Variants in DOCK7 observed in about 807,000 individuals in gnomAD.
DOCK7 encodes the protein dedicator of cytokinesis 7.
Under a neutral mutation model 271.0 loss-of-function variants are expected in DOCK7, and 138 were observed. That is an observed-to-expected ratio of 0.51 (90% CI 0.44 to 0.59). The LOEUF is 0.59. Among genes scored for constraint, DOCK7 ranks in the 20% least tolerant of loss-of-function variants. DOCK7 has a pLI of 0.00. For missense variants in DOCK7, 2,066 were observed against 2,592.4 expected (o/e 0.80, Z 4.41); for synonymous variants, 823 against 876.1 (o/e 0.94, Z 1.07).
intron 15 of DOCK7, chr1:62,584,276 A>C (rs1308813051): frequency 1.0e-6 from 1 of 972,898 alleles, no homozygotes; most frequent in African/African-American, 1.8e-5. Flanking sequence ...GATATATATT[A>C]TTTCATCAAT....
At chr1:62,459,545 CA>C (rs1213879281) in intron 48 of DOCK7, among the ~76,000 whole-genome samples, 3 of 151,392 alleles carry the variant, frequency 2.0e-5, no homozygotes, top group Non-Finnish European at 1.5e-5. Flanking sequence ...CAATTTCATA[CA>C]AAAAAACCCT....
chr1:62,633,803 T>C lies in DOCK7; in HGVS notation c.1036-225A>G, dbSNP rs193294948. The C allele has an allele frequency of 6.1e-3, 2,758 of 452,186 alleles. 16 individuals carry two copies. The highest frequency in any genetic ancestry group is 8.1e-3 in the Non-Finnish European group (2,042 of 253,508). The allele number at this position is 452,186 out of a possible 1,614,324, so 28.0% of individuals were successfully genotyped here. A position where few individuals can be genotyped will look rare whatever the true frequency, so the allele number is the denominator to read the frequency against. ...AAACTACCATAATAAAGGCCATATA[T>C]GAAAAGCCCACAGTTAACATCATAC... On this transcript the variant is annotated intron_variant, in intron 9 of 49. Transcript: ENST00000635253.
intron 2 of DOCK7, among the ~76,000 whole-genome samples, chr1:62,662,781 T>C (rs1278496496): frequency 6.6e-6 from 1 of 151,876 alleles, no homozygotes; most frequent in Non-Finnish European, 1.5e-5. Context: ...GAAAAAAAAG[T>C]TCTAAATGTA....
In DOCK7 at chr1:62,604,656, T is replaced by C. The variant is rs530265297; in HGVS notation, c.1682+14050A>G. 35 of 1,612,962 alleles carry C rather than the reference T, an allele frequency of 2.2e-5. No individual in the cohort carries two copies. The South Asian group carries it at 3.2e-4, about 15-fold the overall frequency. On this transcript the variant is annotated intron_variant, in intron 14 of 49. Transcript: ENST00000635253. ...AGGAGGCTGGTGGTGGCATGATGAG[T>C]GTGGAGAAAACAACCTAAATGGTAA...
At chr1:62,499,305 T>G (rs1225005739) in intron 37 of DOCK7, among the ~76,000 whole-genome samples, 1 of 152,160 alleles carries the variant, frequency 6.6e-6, no homozygotes, top group Non-Finnish European at 1.5e-5. Flanking sequence ...AAGACTTCCC[T>G]TCCAGTAAAA....
intron 14 of DOCK7, chr1:62,606,195 G>A (rs1490866932): frequency 6.6e-6 from 1 of 151,638 alleles, no homozygotes. Context: ...CGAAATTAAC[G>A]CTGATTTTTT....
chr1:62,500,066 C>T (rs1038803546), intron 37 of DOCK7, among the ~76,000 whole-genome samples: 1 of 152,096 alleles, frequency 6.6e-6, no homozygotes, highest in African/African-American at 2.4e-5. Context: ...TGAAGGAACT[C>T]CCTATAAATG....
chr1:62,495,500 GTTTA>G (rs1049955083), intron 39 of DOCK7, 77 bp downstream of exon 39: 214 of 812,590 alleles, frequency 2.6e-4, no homozygotes, highest in Admixed American at 3.6e-4. Context: ...ATTTTTGTGT[GTTTA>G]TTTTTTTCAT....
chr1:62,683,542 A>G (rs979569566), intron 1 of DOCK7, among the ~76,000 whole-genome samples: 1 of 152,212 alleles, frequency 6.6e-6, no homozygotes. Flanking sequence ...TTAACAAAAG[A>G]AGGACTAAGA....
At chr1:62,570,459 T>C (rs1646734732) in intron 18 of DOCK7, among the ~76,000 whole-genome samples, 1 of 152,100 alleles carries the variant, frequency 6.6e-6, no homozygotes, top group South Asian at 2.1e-4. Flanking sequence ...ATCAATATCG[T>C]GAAAATGGCC....
At chr1:62,631,737 A>C (rs1654653988) in intron 10 of DOCK7, among the ~76,000 whole-genome samples, 1 of 139,116 alleles carries the variant, frequency 7.2e-6, no homozygotes, top group African/African-American at 3.0e-5. Flanking sequence ...AGCAACTGGT[A>C]ACTACAAAAT....
chr1:62,557,889 G>A (rs1168440813), intron 20 of DOCK7, among the ~76,000 whole-genome samples: 2 of 151,646 alleles, frequency 1.3e-5, no homozygotes, highest in African/African-American at 4.8e-5. Context: ...GTTTTAACAG[G>A]AACTCATCAT....
At position 62,538,270 on chromosome 1, in the gene DOCK7, T is replaced by C. The variant is rs144273652; in HGVS notation, c.3301-209A>G. Among the ~76,000 whole-genome samples, 959 of 152,316 alleles carry C rather than the reference T, an allele frequency of 6.3e-3. 10 individuals carry two copies. Among genetic ancestry groups the C allele is most frequent in the African/African-American group, 0.022 (920 of 41,568 alleles). On this transcript the variant is annotated intron_variant, in intron 27 of 49. Transcript: ENST00000635253. Reference sequence around the variant, plus strand: ...GGTTTACTGTATAAACATATTTGACTAACCTAAAAGCCACATTCTTGTATT... The same window carrying C: ...GGTTTACTGTATAAACATATTTGACCAACCTAAAAGCCACATTCTTGTATT...
intron 2 of DOCK7, among the ~76,000 whole-genome samples, chr1:62,654,882 G>A (rs977955290): frequency 2.0e-5 from 3 of 152,106 alleles, no homozygotes; most frequent in African/African-American, 7.2e-5. Flanking sequence ...AGATAGAGAT[G>A]ATGTGATCAC....
At chr1:62,620,883 C>CAAAAAAAAAAAAAAAAAAAAAAGAAAA (rs767181280) in intron 12 of DOCK7, among the ~76,000 whole-genome samples, 1 of 31,148 alleles carries the variant, frequency 3.2e-5, no homozygotes, top group Non-Finnish European at 7.9e-5. Context: ...GACTCCGTCT[C>CAAAAAAAAAAAAAAAAAAAAAAGAAAA]AAAAAAAAAA....
chr1:62,542,719 T>A lies in DOCK7; in HGVS notation c.2950-16A>T. On this transcript the variant is annotated splice_polypyrimidine_tract_variant and intron_variant, in intron 24 of 49. Coordinates refer to ENST00000635253, the MANE Select transcript of DOCK7 (RefSeq NM_001367561.1). Reference sequence around the variant, plus strand: ...CGTGAAAAAGCTATCCAGAAGTAAATCCAAAGTTATTATCAAAGTCAAATC... The same window carrying A: ...CGTGAAAAAGCTATCCAGAAGTAAAACCAAAGTTATTATCAAAGTCAAATC... 3 of 1,606,796 alleles carry A rather than the reference T, an allele frequency of 1.9e-6. No homozygotes were observed. The highest frequency in any genetic ancestry group is 2.5e-6 in the Non-Finnish European group (3 of 1,176,748).
At chr1:62,498,016 A>C (rs1646671459) in intron 37 of DOCK7, among the ~76,000 whole-genome samples, 1 of 151,516 alleles carries the variant, frequency 6.6e-6, no homozygotes, top group African/African-American at 2.4e-5. Flanking sequence ...TAATCCCAGC[A>C]GTTTGGGAGG....
intron 31 of DOCK7, among the ~76,000 whole-genome samples, chr1:62,527,093 G>C (rs897862622): frequency 6.6e-6 from 1 of 152,042 alleles, no homozygotes; most frequent in Non-Finnish European, 1.5e-5. Flanking sequence ...CTATAAAATT[G>C]TCAAGTTTCC....
chr1:62,601,068 T>C (rs1650044877), intron 14 of DOCK7: 1 of 1,451,284 alleles, frequency 6.9e-7, no homozygotes, highest in Non-Finnish European at 9.7e-7. Context: ...AACAGATTTA[T>C]ATTCTTTTAT....
Sources: allele counts gnomAD v4.1 joint callset (sites outside exome capture counted in the v4.1 genomes callset), GRCh38; gene constraint gnomAD v4.1.1; transcripts MANE v1.5; gene names NCBI Gene and HGNC (gene_info 2026-07-23, HGNC 2026-07-21).